Variants in PKHD1 observed in about 807,000 individuals in gnomAD.
PKHD1 encodes PKHD1 ciliary IPT domain containing fibrocystin/polyductin.
In PKHD1, 291 loss-of-function variants were observed where a neutral mutation model predicts 412.0. The observed-to-expected ratio is 0.71, with a 90% confidence interval of 0.64 to 0.78. PKHD1 has a LOEUF of 0.78. Ranked by LOEUF, PKHD1 falls within the 30% of genes least tolerant of loss-of-function variation. PKHD1 has a pLI of 0.00. For synonymous variants in PKHD1, 1,777 were observed against 1,821.5 expected, an observed-to-expected ratio of 0.98 and a Z score of 0.62; for missense variants, 4,825 against 4,950.7, an observed-to-expected ratio of 0.97 and a Z score of 0.76.
In PKHD1 at chr6:51,911,447, A is replaced by G. The variant is rs1782926036; in HGVS notation, c.6490+352T>C. On this transcript the variant is annotated intron_variant, in intron 39 of 66. Coordinates refer to ENST00000371117, the MANE Select transcript of PKHD1 (RefSeq NM_138694.4). ...TGCTGCCTGAGCCCAGAACTCTGGC[A>G]TATGGCTTTCCTGAGAATCTTAGAA... Among the ~76,000 whole-genome samples the G allele has an allele frequency of 2.0e-5, 3 of 152,302 alleles. 1 individual carries two copies. In the South Asian group the frequency reaches 6.2e-4, roughly 32 times the overall value.
rs1022119564 is a variant in PKHD1, at chr6:51,841,693, AGATTCT to A, written c.8108-5230_8108-5225del. Among the ~76,000 whole-genome samples, 7 of 152,334 alleles carry A rather than the reference AGATTCT, an allele frequency of 4.6e-5. No homozygotes were observed. In the East Asian group the frequency reaches 9.6e-4, roughly 21 times the overall value. On this transcript the variant is annotated intron_variant, in intron 50 of 66. Coordinates refer to ENST00000371117, the MANE Select transcript of PKHD1 (RefSeq NM_138694.4). The stretch of plus-strand genomic sequence containing the variant: ...TGGGAATGGCTGCAGAGTTGCAAAA[AGATTCT>A]GATTCCGCTCTGCCTACAAAATCTT...
In PKHD1 at chr6:51,871,572, T is replaced by G. The variant is rs541015378; in HGVS notation, c.7351-933A>C. On this transcript the variant is annotated intron_variant, in intron 46 of 66. Coordinates refer to ENST00000371117, the MANE Select transcript of PKHD1 (RefSeq NM_138694.4). ...AGCAAGGAACTGGGGTGGATGCAAC[T>G]GTTCTGTGTCTTGATTGTCGTGGTG... Among the ~76,000 whole-genome samples the G allele has an allele frequency of 3.6e-4, 43 of 119,056 alleles. 15 individuals are homozygous for G. In the South Asian group the frequency reaches 6.4e-3, roughly 18 times the overall value. 78.1% of individuals were successfully genotyped at this position (119,056 alleles called of 152,430 possible).
At chr6:51,916,163 G>T (rs1297809227) in intron 37 of PKHD1, among the ~76,000 whole-genome samples, 1 of 152,070 alleles carries the variant, frequency 6.6e-6, no homozygotes, top group African/African-American at 2.4e-5. Flanking sequence ...TCCTAACACA[G>T]CACTGGACGC....
intron 35 of PKHD1, among the ~76,000 whole-genome samples, chr6:51,991,205 G>A (rs1384591346): frequency 6.6e-6 from 1 of 152,118 alleles, no homozygotes; most frequent in Admixed American, 6.5e-5. Flanking sequence ...ATACACTTGG[G>A]AAGTTTTAGA....
At chr6:51,632,889 T>C (rs1318999102) in intron 64 of PKHD1, among the ~76,000 whole-genome samples, 166 bp from the exon 65 acceptor site, 1 of 152,182 alleles carries the variant, frequency 6.6e-6, no homozygotes, top group African/African-American at 2.4e-5. Flanking sequence ...CCAAGATTTA[T>C]ATTTCTAGAG....
intron 49 of PKHD1, among the ~76,000 whole-genome samples, chr6:51,855,390 C>A (rs1280244864): frequency 2.0e-5 from 3 of 152,214 alleles, no homozygotes; most frequent in African/African-American, 7.2e-5. Context: ...TTTCTATCTT[C>A]ACTGCTCTTA....
Position 51,708,307 on chromosome 6 carries a change from T to G in PKHD1, c.10156+36078A>C, listed in dbSNP as rs539857812. ...ACTTCACAAATCTCACTGGAATCCA[T>G]GTATTTCTCATGTAATCATCCTCAT... On this transcript the variant is annotated intron_variant, in intron 60 of 66. Transcript: ENST00000371117. Among the ~76,000 whole-genome samples the G allele has an allele frequency of 4.6e-5, 7 of 152,300 alleles. No homozygotes were observed. In the South Asian group the frequency reaches 8.3e-4, roughly 18 times the overall value.
intron 60 of PKHD1, among the ~76,000 whole-genome samples, chr6:51,703,466 C>A (rs2150717613): frequency 6.6e-6 from 1 of 151,994 alleles, no homozygotes; most frequent in East Asian, 1.9e-4. Context: ...TAATGGAGAA[C>A]TTCCCCCTAG....
chr6:51,762,276 C>T (rs888388511), intron 55 of PKHD1, among the ~76,000 whole-genome samples: 6 of 152,064 alleles, frequency 3.9e-5, no homozygotes, highest in African/African-American at 1.4e-4. Context: ...TAATCTTTAT[C>T]ATAAGATTGG....
chr6:51,650,855 GCTT>G (rs1383182997), intron 61 of PKHD1, among the ~76,000 whole-genome samples: 20 of 152,180 alleles, frequency 1.3e-4, no homozygotes, highest in African/African-American at 4.8e-4. Context: ...AGTGGCTAGG[GCTT>G]CTTTCCTTTT....
chr6:52,055,023 T>C (rs1807493164), intron 19 of PKHD1, among the ~76,000 whole-genome samples: 1 of 152,224 alleles, frequency 6.6e-6, no homozygotes, highest in Non-Finnish European at 1.5e-5. Context: ...GGTGGAGCTA[T>C]CGAAGCAAAG....
chr6:51,693,697 T>G (rs1446252968), intron 60 of PKHD1, among the ~76,000 whole-genome samples: 1 of 152,210 alleles, frequency 6.6e-6, no homozygotes, highest in Non-Finnish European at 1.5e-5. Context: ...GGGATGGCAG[T>G]GGTATAGCCA....
intron 66 of PKHD1, among the ~76,000 whole-genome samples, chr6:51,625,551 C>T (rs1016598963): frequency 2.0e-4 from 31 of 152,182 alleles, no homozygotes; most frequent in African/African-American, 6.0e-4. Flanking sequence ...CTTTGATGCT[C>T]CCCTCTCTTC....
At chr6:51,840,925 A>T (rs1173283491) in intron 50 of PKHD1, among the ~76,000 whole-genome samples, 2 of 152,244 alleles carry the variant, frequency 1.3e-5, no homozygotes, top group African/African-American at 4.8e-5. Context: ...GTATTTTAGA[A>T]AAAAACAACT....
At chr6:51,794,194 G>A (rs371686006) in intron 52 of PKHD1, among the ~76,000 whole-genome samples, 28 of 151,726 alleles carry the variant, frequency 1.8e-4, no homozygotes, top group Admixed American at 1.2e-3. Context: ...CCGCCACCGC[G>A]CCTTTTTTGA....
intron 9 of PKHD1, 142 bp from the exon 10 acceptor site, chr6:52,070,587 AAAACAAAC>A: frequency 3.0e-6 from 2 of 667,904 alleles, no homozygotes; most frequent in South Asian, 3.4e-5. Context: ...CCCCCCCGCA[AAAACAAAC>A]AAACAAACAA....
At chr6:51,851,845 A>C (rs1005712510) in intron 49 of PKHD1, among the ~76,000 whole-genome samples, 8 of 151,952 alleles carry the variant, frequency 5.3e-5, no homozygotes, top group African/African-American at 1.7e-4. Context: ...TAATTTTTTC[A>C]AAAAACCAGC....
chr6:51,781,874 G>C (rs1792070492), intron 53 of PKHD1, among the ~76,000 whole-genome samples: 1 of 151,652 alleles, frequency 6.6e-6, no homozygotes, highest in Non-Finnish European at 1.5e-5. Context: ...AAAATATTAA[G>C]TGACTACTTA....
At position 51,659,545 on chromosome 6, in the gene PKHD1, C is replaced by A; in HGVS notation, c.10581G>T (p.Leu3527=). 1 of 1,613,694 alleles carries A rather than the reference C, an allele frequency of 6.2e-7. No individual in the cohort carries two copies. Among genetic ancestry groups the A allele is most frequent in the Non-Finnish European group, 8.5e-7 (1 of 1,179,846 alleles). ...AATAGTTGGCACCAATAGATTCATT[C>A]AGCAATAAGGAAGCTGACTGAACCA... ...PTLVQSASLL[L]NESIGANYFN... The change falls in exon 61 of 67, where the codon CTG becomes CTT. Residue 3527 remains leucine, a synonymous_variant. Transcript: ENST00000371117.
Sources: gnomAD v4.1 joint callset for allele counts (sites outside exome capture counted in the v4.1 genomes callset) on GRCh38, gnomAD v4.1.1 for gene constraint, MANE v1.5 for transcripts, NCBI Gene and HGNC (gene_info 2026-07-23, HGNC 2026-07-21) for gene names.